The following UNC5CL variants were observed in gnomAD, a reference collection of about 807,000 sequenced individuals.
UNC5CL encodes the protein UNC5C-like protein.
In UNC5CL, 42 loss-of-function variants were observed where a neutral mutation model predicts 54.1. That is an observed-to-expected ratio of 0.78 (90% CI 0.61 to 1.00). The LOEUF is 1.00. UNC5CL is among the 50% of genes least tolerant of loss of function. UNC5CL has a pLI of 0.00. For missense variants in UNC5CL, 619 were observed against 675.6 expected (o/e 0.92, Z 0.93); for synonymous variants, 285 against 285.1 (o/e 1.00, Z 0.00).
In UNC5CL at chr6:41,031,710, T is replaced by A; in HGVS notation, c.1090A>T (p.Ile364Phe). 1 of 1,614,140 alleles carries A rather than the reference T, an allele frequency of 6.2e-7. No homozygotes were observed. Among genetic ancestry groups the A allele is most frequent in the Non-Finnish European group, 8.5e-7 (1 of 1,180,018 alleles). The change falls in exon 6 of 9, where the codon ATC (isoleucine) becomes TTC (phenylalanine). Residue 364 changes from isoleucine to phenylalanine, a missense_variant. Coordinates refer to ENST00000244565, the MANE Select transcript of UNC5CL (RefSeq NM_173561.3). The part of the protein sequence containing the change: ...NEDCSALTNE[I>F]IVTMHTFQDG... ...TGGAAGGTGTGCATGGTGACAATGA[T>A]CTCATTGGTTAGTGCTGAACAGTCC...
rs554523285 is a variant in UNC5CL, at chr6:41,029,180, G to A, written c.1335-585C>T. On this transcript the variant is annotated intron_variant, in intron 8 of 8. Coordinates refer to ENST00000244565, the MANE Select transcript of UNC5CL (RefSeq NM_173561.3). This position sits in a 1 kb window ranked among gnomAD's most constrained non-coding sequence, Gnocchi z 4.1. ...TGCTTTCTCTCCTTTCTCCCATCCTGAACCCCCTTAGCTCAGGCCTCTCTC... is the reference window on the plus strand; with the variant it reads ...TGCTTTCTCTCCTTTCTCCCATCCTAAACCCCCTTAGCTCAGGCCTCTCTC... Among the ~76,000 whole-genome samples, 11 of 152,014 alleles carry A rather than the reference G, an allele frequency of 7.2e-5. No individual in the cohort carries two copies. The highest frequency in any genetic ancestry group is 2.4e-4 in the African/African-American group (10 of 41,440).
chr6:41,032,873 G>A lies in UNC5CL; in HGVS notation c.949+11C>T. The stretch of plus-strand genomic sequence containing the variant: ...CGATCATCCTATCCCACAGGCCACT[G>A]CCTCCCTCACCCTCTGAGATGTACG... On this transcript the variant is annotated intron_variant, in intron 4 of 8. Coordinates refer to ENST00000244565, the MANE Select transcript of UNC5CL (RefSeq NM_173561.3). The A allele has an allele frequency of 1.9e-6, 3 of 1,586,426 alleles. No individual in the cohort carries two copies. Among genetic ancestry groups the A allele is most frequent in the Non-Finnish European group, 1.7e-6 (2 of 1,164,996 alleles).
chr6:41,028,347 C>G lies in UNC5CL; in HGVS notation c.*26G>C. The G allele has an allele frequency of 6.5e-7, 1 of 1,540,958 alleles. No homozygotes were observed. Among genetic ancestry groups the G allele is most frequent in the Non-Finnish European group, 8.7e-7 (1 of 1,145,612 alleles). On this transcript the variant is annotated 3_prime_UTR_variant, in exon 9 of 9. Transcript: ENST00000244565. The surrounding 1 kb of genome is among the most constrained non-coding windows in gnomAD (Gnocchi z 4.3). ...AGAACAACCCCTCTCGCCCCTACAC[C>G]TCCTCCGGCCCTGCCCGCTGGGCGC... is the stretch of plus-strand genomic sequence containing the variant.
intron 1 of UNC5CL, among the ~76,000 whole-genome samples, chr6:41,038,709 C>G (rs1762549245): frequency 6.6e-6 from 1 of 152,196 alleles, no homozygotes; most frequent in Non-Finnish European, 1.5e-5. Context: ...TAGCGGGTCC[C>G]CGAAACGAGA....
Position 41,027,596 on chromosome 6 carries a change from A to G in UNC5CL, c.*777T>C, listed in dbSNP as rs1762401874. ...AAGACACGGCCTAAGCAGGAGGATAAAGAGACAAAGGAAGTTAGTAGAGGC... is the reference window on the plus strand; with the variant it reads ...AAGACACGGCCTAAGCAGGAGGATAGAGAGACAAAGGAAGTTAGTAGAGGC... On this transcript the variant is annotated 3_prime_UTR_variant, in exon 9 of 9. Coordinates refer to ENST00000244565, the MANE Select transcript of UNC5CL (RefSeq NM_173561.3). 1 of 152,126 alleles carries G rather than the reference A, an allele frequency of 6.6e-6. No individual in the cohort carries two copies. The highest frequency in any genetic ancestry group is 6.5e-5 in the Admixed American group (1 of 15,272). The allele number at this position is 152,126 out of a possible 1,614,324, so 9.4% of individuals were successfully genotyped here.
intron 4 of UNC5CL, 128 bp from the exon 5 acceptor site, chr6:41,032,265 G>A (rs1762463378): frequency 1.3e-6 from 1 of 757,358 alleles, no homozygotes; most frequent in Middle Eastern, 2.9e-4. Context: ...AATCCCCAGA[G>A]CCTGGGCTGG....
rs1762429957 is a variant in UNC5CL at position 41,029,574 on chromosome 6, G to A, written c.1334+814C>T. On this transcript the variant is annotated intron_variant, in intron 8 of 8. Coordinates refer to ENST00000244565, the MANE Select transcript of UNC5CL (RefSeq NM_173561.3). This position sits in a 1 kb window ranked among gnomAD's most constrained non-coding sequence, Gnocchi z 4.1. ...TCATAGTGCTTAGCACAGTTTCCAG[G>A]GCATAATAGGTACTTGATAAATGTT... 6.6e-6 allele frequency among the ~76,000 whole-genome samples: 1 copy of A among 152,144 alleles called. No homozygotes were observed. The highest frequency in any genetic ancestry group is 2.1e-4 in the South Asian group (1 of 4,828).
Position 41,028,416 on chromosome 6 carries a change from C to T in UNC5CL, c.1514G>A (p.Gly505Asp), listed in dbSNP as rs781089576. ...CTCCAGGCCCTGGTTATCCCGGGCG[C>T]CCCCGCGCTCGGGGCCTGGGCTGCC... ...HGGSPGPERG[G>D]ARDNQGLELD... Residue 505 changes from glycine to aspartate, a missense_variant, in exon 9 of 9, where the codon GGC (glycine) becomes GAC (aspartate). Transcript: ENST00000244565. This position sits in a 1 kb window ranked among gnomAD's most constrained non-coding sequence, Gnocchi z 4.3. 7.5e-6 allele frequency: 12 copies of T among 1,609,534 alleles called. No homozygotes were observed. Among genetic ancestry groups the T allele is most frequent in the Admixed American group, 5.1e-5 (3 of 59,344 alleles).
At chr6:41,038,997 C>T (rs1299246704) in intron 1 of UNC5CL, among the ~76,000 whole-genome samples, 165 bp downstream of exon 1, 2 of 152,004 alleles carry the variant, frequency 1.3e-5, no homozygotes, top group African/African-American at 2.4e-5. Flanking sequence ...CCCAGTGGTC[C>T]TCATACCCAT....
Position 41,034,041 on chromosome 6 carries a change from G to T in UNC5CL, c.526C>A (p.Pro176Thr). Reference sequence around the variant, plus strand: ...CAGTGTTTGAACGTGAGAGTGCAAGGCTTCAGGAAGGAGGCCCCATGGGGG... The same window carrying T: ...CAGTGTTTGAACGTGAGAGTGCAAGTCTTCAGGAAGGAGGCCCCATGGGGG... Reference protein sequence around the residue: ...CGPHGASFLKPCTLTFKHCAE... With the variant: ...CGPHGASFLKTCTLTFKHCAE... The change falls in exon 3 of 9, where the codon CCT becomes ACT. Residue 176 changes from proline (P) to threonine (T), a missense_variant. By Grantham distance (38) the Pro-to-Thr change is conservative. Coordinates refer to ENST00000244565, the MANE Select transcript of UNC5CL (RefSeq NM_173561.3). 1.2e-6 allele frequency: 2 copies of T among 1,614,208 alleles called. No homozygotes were observed. The highest frequency in any genetic ancestry group is 1.7e-6 in the Non-Finnish European group (2 of 1,180,020).
chr6:41,028,688 C>A lies in UNC5CL; in HGVS notation c.1335-93G>T. ...TCCCTGGGCTGCGCAGCGCAAGGTCCGTCCCTTCCCCATCCTGTAGCTTTT... is the reference window on the plus strand; with the variant it reads ...TCCCTGGGCTGCGCAGCGCAAGGTCAGTCCCTTCCCCATCCTGTAGCTTTT... On this transcript the variant is annotated intron_variant, in intron 8 of 8. Coordinates refer to ENST00000244565, the MANE Select transcript of UNC5CL (RefSeq NM_173561.3). The surrounding 1 kb of genome is among the most constrained non-coding windows in gnomAD (Gnocchi z 4.3). 1 of 1,206,116 alleles carries A rather than the reference C, an allele frequency of 8.3e-7. No individual in the cohort carries two copies. The highest frequency in any genetic ancestry group is 2.2e-5 in the Admixed American group (1 of 46,482). 74.7% of individuals were successfully genotyped at this position (1,206,116 alleles called of 1,614,324 possible). A position where few individuals can be genotyped will look rare whatever the true frequency, so the allele number is the denominator to read the frequency against.
At chr6:41,034,620 C>G (rs1445085758) in intron 2 of UNC5CL, 70 bp downstream of exon 2, 8 of 1,528,284 alleles carry the variant, frequency 5.2e-6, no homozygotes, top group African/African-American at 4.1e-5. Flanking sequence ...GAACATTGCT[C>G]CCTCAGATGT....
chr6:41,031,379 A>C (rs1762451291), intron 6 of UNC5CL, among the ~76,000 whole-genome samples: 1 of 152,222 alleles, frequency 6.6e-6, no homozygotes, highest in Admixed American at 6.5e-5. Flanking sequence ...TCAGCCTAGA[A>C]AGAAACCATA....
rs1187691402 is a variant in UNC5CL, at chr6:41,029,931, T to C, written c.1334+457A>G. On this transcript the variant is annotated intron_variant, in intron 8 of 8. Transcript: ENST00000244565. This position sits in a 1 kb window ranked among gnomAD's most constrained non-coding sequence, Gnocchi z 4.1. ...ATAAAGTCTTCCCTGACCGCTGCACTCATAGTGTAGTTTCTGGAGCTTAGC... is the reference window on the plus strand; with the variant it reads ...ATAAAGTCTTCCCTGACCGCTGCACCCATAGTGTAGTTTCTGGAGCTTAGC... Among the ~76,000 whole-genome samples the C allele has an allele frequency of 6.6e-6, 1 of 152,216 alleles. No individual in the cohort carries two copies.
At chr6:41,031,796 G>C (rs761281746) in intron 5 of UNC5CL, 48 bp from the exon 6 acceptor site, 1 of 1,590,314 alleles carries the variant, frequency 6.3e-7, no homozygotes, top group South Asian at 1.1e-5. Flanking sequence ...GAAACGGCCT[G>C]GGGTAAGAGC....
Position 41,029,435 on chromosome 6 carries a change from C to T in UNC5CL, c.1335-840G>A, listed in dbSNP as rs1762427450. Among the ~76,000 whole-genome samples, 1 of 152,236 alleles carries T rather than the reference C, an allele frequency of 6.6e-6. No homozygotes were observed. On this transcript the variant is annotated intron_variant, in intron 8 of 8. Transcript: ENST00000244565. This position sits in a 1 kb window ranked among gnomAD's most constrained non-coding sequence, Gnocchi z 4.1. ...TCTCTCTTCAATGTGTTATACAATA[C>T]TGGATTCTTACAGGAAGGCACAAGG...
intron 4 of UNC5CL, 96 bp downstream of exon 4, chr6:41,032,788 G>T: frequency 7.0e-7 from 1 of 1,435,344 alleles, no homozygotes; most frequent in Non-Finnish European, 9.2e-7. Flanking sequence ...AGAGACTTGG[G>T]ATCCCCAGAT....
chr6:41,032,758 C>G, intron 4 of UNC5CL, 126 bp downstream of exon 4: 1 of 1,394,290 alleles, frequency 7.2e-7, no homozygotes, highest in Non-Finnish European at 9.5e-7. Context: ...GAAACTCCAT[C>G]TCGGGAAAAA....
At chr6:41,036,521 T>C (rs924864339) in intron 1 of UNC5CL, among the ~76,000 whole-genome samples, 1 of 152,240 alleles carries the variant, frequency 6.6e-6, no homozygotes, top group African/African-American at 2.4e-5. Context: ...AGCATGTAGT[T>C]TGTATTAACT....
Sources: gnomAD v4.1 joint callset for allele counts (sites outside exome capture counted in the v4.1 genomes callset) on GRCh38, gnomAD v4.1.1 for gene constraint, Gnocchi (gnomAD v3.1) non-coding constraint, MANE v1.5 for transcripts, NCBI Gene and HGNC (gene_info 2026-07-23, HGNC 2026-07-21) for gene names.